SSR2: variants seen among roughly 807,000 people sequenced by gnomAD.
The protein encoded by SSR2 is signal sequence receptor subunit 2, also known as translocon-associated protein subunit beta.
A neutral mutation model predicts 22.6 loss-of-function variants in SSR2; 16 were observed. The ratio of observed to expected loss-of-function variants is 0.71; its 90% CI spans 0.48 to 1.08. SSR2 has a LOEUF of 1.08. Among genes scored for constraint, SSR2 ranks in the 50% least tolerant of loss-of-function variants. The pLI, the probability that SSR2 is intolerant of heterozygous loss-of-function variation, is 0.00. For missense variants in SSR2, 171 were observed against 221.6 expected, an observed-to-expected ratio of 0.77 and a Z score of 1.45; for synonymous variants, 83 against 91.2, an observed-to-expected ratio of 0.91 and a Z score of 0.51.
At chr1:156,018,144 A>G in intron 3 of SSR2, 126 bp downstream of exon 3, 1 of 688,660 alleles carries the variant, frequency 1.5e-6, no homozygotes, top group South Asian at 1.7e-5. Context: ...CTCTTGCTCC[A>G]TCTTATCCAG....
intron 4 of SSR2, chr1:156,013,248 A>G (rs1683003482): frequency 1.3e-5 from 2 of 152,042 alleles, no homozygotes; most frequent in Admixed American, 1.3e-4. Context: ...CAATATGGTG[A>G]AACCCCATTT....
At chr1:156,019,275 G>A (rs1360438596) in intron 2 of SSR2, 3 of 451,458 alleles carry the variant, frequency 6.6e-6, no homozygotes, top group South Asian at 4.7e-5. Context: ...GCCTATGTGT[G>A]TGGAGGGAGG....
chr1:156,018,189 C>A, intron 3 of SSR2, 81 bp downstream of exon 3: 8 of 1,018,098 alleles, frequency 7.9e-6, no homozygotes, highest in Non-Finnish European at 1.2e-5. Flanking sequence ...CATATCCAGC[C>A]TATTTGAAGT....
chr1:156,018,203 C>A (rs1413651258), intron 3 of SSR2, 67 bp downstream of exon 3: 3 of 1,203,900 alleles, frequency 2.5e-6, no homozygotes, highest in African/African-American at 1.5e-5. Flanking sequence ...TTGAAGTACC[C>A]CTGCTGCTTT....
intron 1 of SSR2, 43 bp from the exon 2 acceptor site, chr1:156,020,210 C>A: frequency 6.2e-7 from 1 of 1,606,330 alleles, no homozygotes; most frequent in South Asian, 1.1e-5. Flanking sequence ...CCAAGTACGT[C>A]AAATTCACCA....
chr1:156,009,922 T>C (rs188479442), intron 5 of SSR2, among the ~76,000 whole-genome samples: 223 of 152,298 alleles, frequency 1.5e-3, no homozygotes, highest in African/African-American at 4.9e-3. Context: ...TACAGGCGCA[T>C]GCCACCACAC....
chr1:156,011,784 A>T, intron 5 of SSR2, 26 bp downstream of exon 5: 1 of 1,598,598 alleles, frequency 6.3e-7, no homozygotes, highest in South Asian at 1.1e-5. Context: ...CAAGGAACTG[A>T]TGAGAGAGAA....
At chr1:156,014,878 C>CA in intron 4 of SSR2, 83 bp downstream of exon 4, 1 of 1,121,228 alleles carries the variant, frequency 8.9e-7, no homozygotes, top group Non-Finnish European at 1.3e-6. Context: ...AACCTCTCTT[C>CA]ATCCCCCTCT....
chr1:156,014,880 TC>T, intron 4 of SSR2, 80 bp downstream of exon 4: 3 of 1,138,600 alleles, frequency 2.6e-6, no homozygotes, highest in Non-Finnish European at 3.9e-6. Flanking sequence ...CCTCTCTTCA[TC>T]CCCCTCTTAC....
At chr1:156,009,746 G>T in intron 5 of SSR2, 96 bp from the exon 6 acceptor site, 1 of 757,558 alleles carries the variant, frequency 1.3e-6, no homozygotes, top group Non-Finnish European at 2.1e-6. Flanking sequence ...GAGCAGTCTA[G>T]CCCAAATTTA....
chr1:156,016,488 G>A (rs528959534), intron 3 of SSR2, among the ~76,000 whole-genome samples: 9 of 151,652 alleles, frequency 5.9e-5, no homozygotes, highest in African/African-American at 1.2e-4. Context: ...CACCCGCCTC[G>A]GCCTCCCAAA....
rs200714992 is a variant in SSR2 at position 156,015,004 on chromosome 1, G to A, written c.320C>T (p.Ser107Leu). ...PLKAGYFNFT[S>L]ATITYLAQED... ...CTGGGCCAGGTAAGTAATTGTTGCC[G>A]AGGTGAAGTTGAAATAACCAGCCTT... is the stretch of plus-strand genomic sequence containing the variant. The change falls in exon 4 of 6, where the codon TCG (serine) becomes TTG (leucine). Residue 107 changes from serine to leucine, a missense_variant. Physicochemically the swap from Ser to Leu is moderately radical, Grantham distance 145. Coordinates refer to ENST00000295702, the MANE Select transcript of SSR2 (RefSeq NM_003145.4). The A allele has an allele frequency of 6.1e-5, 99 of 1,614,034 alleles. No individual in the cohort carries two copies. Among genetic ancestry groups the A allele is most frequent in the Middle Eastern group, 3.3e-4 (2 of 6,062 alleles).
intron 1 of SSR2, 121 bp from the exon 2 acceptor site, chr1:156,020,288 G>A: frequency 9.5e-7 from 1 of 1,055,494 alleles, no homozygotes; most frequent in Non-Finnish European, 1.4e-6. Context: ...CCCTTCCACA[G>A]AGTAGTCCAT....
rs6667153 is a variant in SSR2, at chr1:156,016,227, C to A, written c.255-1158G>T. On this transcript the variant is annotated intron_variant, in intron 3 of 5. Transcript: ENST00000295702. ...AAGAAATTATAGTCACTTAAGCTCA[C>A]AGAAAATCTTTTTTTTTTGTTTTTT... Among the ~76,000 whole-genome samples, 407 of 152,078 alleles carry A rather than the reference C, an allele frequency of 2.7e-3. 2 individuals carry two copies. Among genetic ancestry groups the A allele is most frequent in the African/African-American group, 9.4e-3 (391 of 41,508 alleles).
rs376503045 is a variant in SSR2 at position 156,018,450 on chromosome 1, T to C, written c.156-82A>G. On this transcript the variant is annotated intron_variant, in intron 2 of 5. Coordinates refer to ENST00000295702, the MANE Select transcript of SSR2 (RefSeq NM_003145.4). ...GGCCGGGCGCCGTGGCTCACGCCTG[T>C]AATCCCAGCACTTTTGGGAGGCCGA... is the stretch of plus-strand genomic sequence containing the variant. The C allele has an allele frequency of 6.9e-5, 75 of 1,094,320 alleles. No homozygotes were observed. The East Asian group carries it at 1.5e-3, about 22-fold the overall frequency. The allele number at this position is 1,094,320 out of a possible 1,614,324, so 67.8% of individuals were successfully genotyped here. A position where few individuals can be genotyped will look rare whatever the true frequency, so the allele number is the denominator to read the frequency against.
intron 4 of SSR2, chr1:156,012,089 G>T (rs1682985530): frequency 2.0e-6 from 1 of 496,284 alleles, no homozygotes; most frequent in Admixed American, 3.3e-5. Context: ...GTGTTATAAA[G>T]AGGAGTACCT....
chr1:156,019,084 C>T (rs780471491), intron 2 of SSR2: 4 of 198,012 alleles, frequency 2.0e-5, no homozygotes, highest in Non-Finnish European at 3.3e-5. Context: ...ATCAAACCTG[C>T]CTGCTTCTCC....
chr1:156,015,728 T>TA (rs1007544608), intron 3 of SSR2, among the ~76,000 whole-genome samples: 2 of 150,236 alleles, frequency 1.3e-5, no homozygotes, highest in African/African-American at 4.9e-5. Context: ...ATATGGGGCC[T>TA]AGGCATCTTT....
At position 156,014,943 on chromosome 1, in the gene SSR2, A is replaced by AG; in HGVS notation, c.363+17dup. On this transcript the variant is annotated intron_variant, in intron 4 of 5. Coordinates refer to ENST00000295702, the MANE Select transcript of SSR2 (RefSeq NM_003145.4). ...GGCAGATCCAAATTCCATCCAGCTAAGGGTTTGGGCAACTCACCACAACGG... is the reference window on the plus strand; with the variant it reads ...GGCAGATCCAAATTCCATCCAGCTAAGGGGTTTGGGCAACTCACCACAACGG... 1 of 1,595,738 alleles carries AG rather than the reference A, an allele frequency of 6.3e-7. No homozygotes were observed. Among genetic ancestry groups the AG allele is most frequent in the South Asian group, 1.1e-5 (1 of 90,468 alleles).
Sources: gnomAD v4.1 joint callset for allele counts (sites outside exome capture counted in the v4.1 genomes callset) on GRCh38, gnomAD v4.1.1 for gene constraint, MANE v1.5 for transcripts, NCBI Gene and HGNC (gene_info 2026-07-23, HGNC 2026-07-21) for gene names.